The following CARS2 variants were observed in gnomAD, a reference collection of about 807,000 sequenced individuals.
The protein encoded by CARS2 is cysteinyl-tRNA synthetase 2, mitochondrial, also known as probable cysteine--tRNA ligase, mitochondrial.
A neutral mutation model predicts 68.8 loss-of-function variants in CARS2; 52 were observed. The observed-to-expected ratio is 0.76, with a 90% CI of 0.61 to 0.95. The LOEUF (loss-of-function observed/expected upper bound fraction) is 0.95. Among genes scored for constraint, CARS2 ranks in the 40% least tolerant of loss-of-function variants. The probability of loss-of-function intolerance (pLI) is 0.00; values close to 1 mark genes in which losing one functional copy is unlikely to be tolerated. For synonymous variants in CARS2, 314 were observed against 303.6 expected (o/e 1.03, Z -0.36); for missense variants, 780 against 754.2 (o/e 1.03, Z -0.40).
chr13:110,683,263 A>C, intron 5 of CARS2, 129 bp from the exon 6 acceptor site: 1 of 526,318 alleles, frequency 1.9e-6, no homozygotes, highest in Non-Finnish European at 3.1e-6. Flanking sequence ...ATACATATAT[A>C]GTATTTATAT....
At chr13:110,713,062 C>G (rs761089147) in intron 1 of CARS2, 1 of 1,453,036 alleles carries the variant, frequency 6.9e-7, no homozygotes, top group Non-Finnish European at 9.1e-7. Flanking sequence ...TCCGCCCGTG[C>G]CCGGCCCTCC....
chr13:110,709,618 A>G (rs957022334), upstream of CARS2, among the ~76,000 whole-genome samples: 4 of 152,054 alleles, frequency 2.6e-5, no homozygotes, highest in South Asian at 2.1e-4. Context: ...TCAGACTCCA[A>G]GTTCTTCAGT....
intron 3 of CARS2, among the ~76,000 whole-genome samples, chr13:110,695,079 T>TA (rs2063582769): frequency 6.6e-6 from 1 of 152,060 alleles, no homozygotes; most frequent in African/African-American, 2.4e-5. Flanking sequence ...GCCCAGGAAT[T>TA]AGAGACCAGC....
intron 8 of CARS2, chr13:110,664,489 C>T (rs1357214918): frequency 1.6e-6 from 1 of 613,638 alleles, no homozygotes; most frequent in Non-Finnish European, 2.0e-6. Flanking sequence ...TGCACTCCAG[C>T]CTGGGCCACA....
upstream of CARS2, among the ~76,000 whole-genome samples, chr13:110,707,908 T>C (rs748298917): frequency 2.0e-5 from 3 of 152,202 alleles, no homozygotes; most frequent in African/African-American, 7.2e-5. Context: ...ATGTAATCTA[T>C]TGTCTAATTT....
chr13:110,667,894 T>G (rs2062692656), intron 7 of CARS2, among the ~76,000 whole-genome samples: 1 of 152,050 alleles, frequency 6.6e-6, no homozygotes, highest in African/African-American at 2.4e-5. Context: ...GGTAAGAGAG[T>G]TCAAAGCAAC....
intron 10 of CARS2, 167 bp downstream of exon 10, chr13:110,650,867 A>C: frequency 1.7e-6 from 1 of 579,362 alleles, no homozygotes; most frequent in South Asian, 2.1e-5. Context: ...CAGCACTGGG[A>C]TCCCTCGTCC....
rs1006178169 is a variant in CARS2 at position 110,697,735 on chromosome 13, A to C, written c.393+3703T>G. Among the ~76,000 whole-genome samples, 8 of 152,372 alleles carry C rather than the reference A, an allele frequency of 5.3e-5. No individual in the cohort carries two copies. In the East Asian group the frequency reaches 1.5e-3, roughly 29 times the overall value. On this transcript the variant is annotated intron_variant, in intron 3 of 14. Coordinates refer to ENST00000257347, the MANE Select transcript of CARS2 (RefSeq NM_024537.4). ...GGCGTGAGCCACTGCACCCAGCCACAGGAAATATATTTATAAGTAAACAAA... is the reference window on the plus strand; with the variant it reads ...GGCGTGAGCCACTGCACCCAGCCACCGGAAATATATTTATAAGTAAACAAA...
intron 6 of CARS2, among the ~76,000 whole-genome samples, chr13:110,680,079 A>C (rs1259490633): frequency 6.8e-6 from 1 of 148,098 alleles, no homozygotes; most frequent in African/African-American, 2.5e-5. Flanking sequence ...CTGCCTGTAT[A>C]AAAGTATTCC....
chr13:110,656,594 G>A (rs1165539690), intron 9 of CARS2, among the ~76,000 whole-genome samples: 1 of 152,042 alleles, frequency 6.6e-6, no homozygotes, highest in South Asian at 2.1e-4. Context: ...TGATAAAAAC[G>A]TTCTTAGAGG....
At chr13:110,678,442 G>T (rs1325988597) in intron 6 of CARS2, among the ~76,000 whole-genome samples, 1 of 152,104 alleles carries the variant, frequency 6.6e-6, no homozygotes, top group Non-Finnish European at 1.5e-5. Context: ...CCACCCGGGA[G>T]CACTGACACA....
Position 110,642,339 on chromosome 13 carries a change from C to A in CARS2, c.1599G>T (p.Leu533=), listed in dbSNP as rs1170220316. Residue 533 remains leucine, a synonymous_variant, in exon 14 of 15, where the codon CTG becomes CTT. Coordinates refer to ENST00000257347, the MANE Select transcript of CARS2 (RefSeq NM_024537.4). The part of the protein sequence containing the change: ...LEACDTLRRG[L]TAHGINIKDR... Reference sequence around the variant, plus strand: ...CCTTGATGTTGATGCCGTGGGCAGTCAGGCCCCGGCGCAGGGTGTCGCATG... The same window carrying A: ...CCTTGATGTTGATGCCGTGGGCAGTAAGGCCCCGGCGCAGGGTGTCGCATG... The A allele has an allele frequency of 6.4e-7, 1 of 1,550,936 alleles. No individual in the cohort carries two copies. Among genetic ancestry groups the A allele is most frequent in the Non-Finnish European group, 8.7e-7 (1 of 1,146,962 alleles).
At chr13:110,687,408 G>A (rs981574676) in intron 5 of CARS2, among the ~76,000 whole-genome samples, 5 of 152,132 alleles carry the variant, frequency 3.3e-5, no homozygotes, top group Non-Finnish European at 5.9e-5. Flanking sequence ...AGTGGCTCAC[G>A]CCTGTAATCC....
In CARS2 at chr13:110,670,701, C is replaced by G. The variant is rs2062779283; in HGVS notation, c.786-3228G>C. ...TCACCAGCAATGGAACAAAGCTGGA[C>G]AGAGAATGACTTTGATGAGTTGAGA... On this transcript the variant is annotated intron_variant, in intron 7 of 14. Coordinates refer to ENST00000257347, the MANE Select transcript of CARS2 (RefSeq NM_024537.4). The surrounding 1 kb of genome is among the most constrained non-coding windows in gnomAD (Gnocchi z 4.1). Among the ~76,000 whole-genome samples, 7 of 152,314 alleles carry G rather than the reference C, an allele frequency of 4.6e-5. No individual in the cohort carries two copies. The South Asian group carries it at 1.4e-3, about 32-fold the overall frequency.
In CARS2 at chr13:110,677,008, G is replaced by A. The variant is rs575915087; in HGVS notation, c.751C>T (p.Pro251Ser). ...FWASPWGPGR[P>S]GWHIECSAIA... is the part of the protein sequence containing the mutation. ...GCAGAGCACTCGATGTGCCAGCCCGGCCTCCCGGGTCCCCAGGGAGAGGCC... is the reference window on the plus strand; with the variant it reads ...GCAGAGCACTCGATGTGCCAGCCCGACCTCCCGGGTCCCCAGGGAGAGGCC... Residue 251 changes from proline to serine, a missense_variant, in exon 7 of 15, where the codon CCG (proline) becomes TCG (serine). Transcript: ENST00000257347. 1 of 1,600,230 alleles carries A rather than the reference G, an allele frequency of 6.2e-7. No homozygotes were observed. Among genetic ancestry groups the A allele is most frequent in the Non-Finnish European group, 8.5e-7 (1 of 1,169,956 alleles).
In CARS2 at chr13:110,705,952, G is replaced by A. The variant is rs777909817; in HGVS notation, c.142C>T (p.Arg48Trp). The A allele has an allele frequency of 3.9e-6, 6 of 1,552,696 alleles. No homozygotes were observed. The South Asian group carries it at 7.1e-5, about 18-fold the overall frequency. The change falls in exon 1 of 15, where the codon CGG (arginine) becomes TGG (tryptophan). Residue 48 changes from arginine to tryptophan, a missense_variant. Coordinates refer to ENST00000257347, the MANE Select transcript of CARS2 (RefSeq NM_024537.4). This position sits in a 1 kb window ranked among gnomAD's most constrained non-coding sequence, Gnocchi z 4.0. ...RGRAWLQPTGRETGVQVYNSL... is the reference protein window; with the variant it reads ...RGRAWLQPTGWETGVQVYNSL... ...TTGTACACCTGCACACCCGTCTCCC[G>A]GCCCGTGGGCTGCAGCCAGGCCCGC...
At chr13:110,700,618 T>C (rs887519949) in intron 3 of CARS2, among the ~76,000 whole-genome samples, 5 of 152,190 alleles carry the variant, frequency 3.3e-5, no homozygotes, top group Non-Finnish European at 7.4e-5. Context: ...TAATATGGAA[T>C]AAAATGTGTT....
intron 13 of CARS2, 70 bp from the exon 14 acceptor site, chr13:110,642,591 G>C: frequency 6.7e-7 from 1 of 1,485,376 alleles, no homozygotes; most frequent in Non-Finnish European, 9.4e-7. Flanking sequence ...CCCACCCCGT[G>C]GTTGGGCTCT....
intron 6 of CARS2, among the ~76,000 whole-genome samples, chr13:110,679,599 G>GAAAGAAAGAAAGAA (rs1212774128): frequency 3.0e-3 from 121 of 40,140 alleles, no homozygotes; most frequent in African/African-American, 7.5e-3. Flanking sequence ...AAGAAAGAAA[G>GAAAGAAAGAAAGAA]AGAGAGAGAG....
Sources: gnomAD v4.1 joint callset for allele counts (sites outside exome capture counted in the v4.1 genomes callset) on GRCh38, gnomAD v4.1.1 for gene constraint, Gnocchi (gnomAD v3.1) non-coding constraint, MANE v1.5 for transcripts, NCBI Gene and HGNC (gene_info 2026-07-23, HGNC 2026-07-21) for gene names.